Variants in SNX17 observed in about 807,000 individuals in gnomAD.
SNX17 encodes the protein sorting nexin 17.
A neutral mutation model predicts 64.3 loss-of-function variants in SNX17; 35 were observed. That is an observed-to-expected ratio of 0.54 (90% CI 0.42 to 0.72). SNX17 has a LOEUF of 0.72. Among genes scored for constraint, SNX17 ranks in the 30% least tolerant of loss-of-function variants. The pLI is 0.00. For missense variants in SNX17, 538 were observed against 610.0 expected (o/e 0.88, Z 1.24); for synonymous variants, 259 against 230.2 (o/e 1.13, Z -1.13).
intron 1 of SNX17, 147 bp downstream of exon 1, chr2:27,370,953 C>T: frequency 2.1e-6 from 2 of 957,808 alleles, no homozygotes; most frequent in African/African-American, 3.3e-5. Context: ...GGGAGCTTAT[C>T]TCATGTGTGT....
Position 27,376,816 on chromosome 2 carries a change from CCTT to C in SNX17, c.*104_*106del, listed in dbSNP as rs763445311. 7.2e-5 allele frequency: 73 copies of C among 1,008,928 alleles called. No individual in the cohort carries two copies. The East Asian group carries it at 7.9e-4, about 11-fold the overall frequency. The allele number at this position is 1,008,928 out of a possible 1,614,324, so 62.5% of individuals were successfully genotyped here. On this transcript the variant is annotated 3_prime_UTR_variant, in exon 15 of 15. Coordinates refer to ENST00000233575, the MANE Select transcript of SNX17 (RefSeq NM_014748.4). Reference sequence around the variant, plus strand: ...CATGCTAGGGGCGGAGGGGTCTTTTCCTTCTTCTTTCCTACCTACCCCTTTTCT... The same window carrying C: ...CATGCTAGGGGCGGAGGGGTCTTTTCCTTCTTTCCTACCTACCCCTTTTCT...
rs78101052 is a variant in SNX17 at position 27,372,862 on chromosome 2, T to A, written c.256+122T>A. The A allele has an allele frequency of 8.4e-3, 11,413 of 1,365,836 alleles. 65 individuals are homozygous for A. The highest frequency in any genetic ancestry group is 9.4e-3 in the Non-Finnish European group (9,235 of 980,184). The allele number at this position is 1,365,836 out of a possible 1,614,324, so 84.6% of individuals were successfully genotyped here. On this transcript the variant is annotated intron_variant, in intron 3 of 14. Transcript: ENST00000233575. ...GATCTAGGAAGGCTCTTGTTTGATCTGTTATGCAGTTAGCAAAGTAAATAG... is the reference window on the plus strand; with the variant it reads ...GATCTAGGAAGGCTCTTGTTTGATCAGTTATGCAGTTAGCAAAGTAAATAG...
chr2:27,374,990 G>A, intron 8 of SNX17, 71 bp from the exon 9 acceptor site: 1 of 1,395,594 alleles, frequency 7.2e-7, no homozygotes, highest in Non-Finnish European at 1.0e-6. Context: ...GCTGGACAGA[G>A]GTAATGGTAG....
intron 1 of SNX17, among the ~76,000 whole-genome samples, 175 bp from the exon 2 acceptor site, chr2:27,371,094 T>G (rs886339009): frequency 1.3e-5 from 2 of 152,202 alleles, no homozygotes; most frequent in Non-Finnish European, 2.9e-5. Flanking sequence ...GCGTCCGAAT[T>G]TCCCCCGGAC....
chr2:27,375,436 C>G lies in SNX17; in HGVS notation c.775-70C>G, dbSNP rs1683097161. ...TATAGGCATGAGCCACCGCGCCCGA[C>G]CGGGGTTGCTTTTTCTGAGCTGCCC... On this transcript the variant is annotated intron_variant, in intron 9 of 14. Transcript: ENST00000233575. This position sits in a 1 kb window ranked among gnomAD's most constrained non-coding sequence, Gnocchi z 4.1. 2 of 1,557,734 alleles carry G rather than the reference C, an allele frequency of 1.3e-6. No homozygotes were observed. Among genetic ancestry groups the G allele is most frequent in the Admixed American group, 1.7e-5 (1 of 59,766 alleles).
chr2:27,374,458 G>C, intron 7 of SNX17, 25 bp downstream of exon 7: 1 of 1,584,568 alleles, frequency 6.3e-7, no homozygotes, highest in Non-Finnish European at 8.7e-7. Flanking sequence ...TGGAAGGGGA[G>C]GGGTGGGAGG....
At chr2:27,372,831 T>C in intron 3 of SNX17, 91 bp downstream of exon 3, 1 of 1,517,582 alleles carries the variant, frequency 6.6e-7, no homozygotes, top group Non-Finnish European at 9.1e-7. Flanking sequence ...CCTGATTTAA[T>C]TTCTAGATCT....
At chr2:27,374,555 C>A in intron 7 of SNX17, 122 bp downstream of exon 7, 1 of 1,241,096 alleles carries the variant, frequency 8.1e-7, no homozygotes, top group Non-Finnish European at 1.2e-6. Flanking sequence ...TCTGCCAGGC[C>A]TCCCAAGCTT....
At chr2:27,370,879 C>T (rs1682414987) in intron 1 of SNX17, 73 bp downstream of exon 1, 3 of 1,481,070 alleles carry the variant, frequency 2.0e-6, no homozygotes, top group South Asian at 1.3e-5. Context: ...TCGGAGCGGC[C>T]TCTGAGGCCT....
chr2:27,371,110 C>G (rs1453419575), intron 1 of SNX17, among the ~76,000 whole-genome samples, 159 bp from the exon 2 acceptor site: 1 of 152,264 alleles, frequency 6.6e-6, no homozygotes, highest in East Asian at 1.9e-4. Context: ...CGGACTGGCT[C>G]TTCAGCTTTG....
At position 27,377,415 on chromosome 2, in the gene SNX17, C is replaced by T. The variant is rs187524222; in HGVS notation, c.*696C>T. On this transcript the variant is annotated 3_prime_UTR_variant, in exon 15 of 15. Coordinates refer to ENST00000233575, the MANE Select transcript of SNX17 (RefSeq NM_014748.4). This position sits in a 1 kb window ranked among gnomAD's most constrained non-coding sequence, Gnocchi z 4.4. ...GGCAAGGTCCCCTGGTCCATATGGG[C>T]CCCCCCGCCCATGGGGTTGGGCTGG... 2.3e-4 allele frequency: 234 copies of T among 1,013,658 alleles called. No homozygotes were observed. The East Asian group carries it at 3.0e-3, about 13-fold the overall frequency. The allele number at this position is 1,013,658 out of a possible 1,614,324, so 62.8% of individuals were successfully genotyped here. A position where few individuals can be genotyped will look rare whatever the true frequency, so the allele number is the denominator to read the frequency against.
At chr2:27,370,827 A>AGCCGG in intron 1 of SNX17, 21 bp downstream of exon 1, 1 of 1,537,420 alleles carries the variant, frequency 6.5e-7, no homozygotes, top group South Asian at 1.2e-5. Flanking sequence ...GCCGGAGCCG[A>AGCCGG]GCCGGGCCGG....
rs1311497396 is a variant in SNX17, at chr2:27,370,803, C to T, written c.60C>T (p.Tyr20=). The change falls in exon 1 of 15, where the codon TAC becomes TAT. Residue 20 remains tyrosine, a synonymous_variant. Coordinates refer to ENST00000233575, the MANE Select transcript of SNX17 (RefSeq NM_014748.4). The stretch of plus-strand genomic sequence containing the variant: ...GCGGGGACAGCGGCGGCTCCGCCTA[C>T]GTGGTGAGGAGCGGCCGGAGCCGAG... The part of the protein sequence containing the change: ...SRSGDSGGSA[Y]VAYNIHVNGV... 6.5e-7 allele frequency: 1 copy of T among 1,543,846 alleles called. No homozygotes were observed. The highest frequency in any genetic ancestry group is 1.4e-5 in the African/African-American group (1 of 73,068).
At chr2:27,374,322 C>CT in intron 6 of SNX17, 24 bp from the exon 7 acceptor site, 2 of 1,525,612 alleles carry the variant, frequency 1.3e-6, no homozygotes, top group African/African-American at 2.8e-5. Context: ...ACTATATTTT[C>CT]ATTTTTTTTT....
chr2:27,374,295 C>T (rs1256423733), intron 6 of SNX17, 51 bp from the exon 7 acceptor site: 1 of 1,425,756 alleles, frequency 7.0e-7, no homozygotes, highest in Non-Finnish European at 9.8e-7. Flanking sequence ...TTCTTGATTT[C>T]CCTTCCTTTA....
rs1683081681 is a variant in SNX17 at position 27,375,357 on chromosome 2, C to T, written c.775-149C>T. ...GTTTCACCATGTTAGCCAGGATGGT[C>T]TTGAGCTCCTGACCTTGTGATCTGT... On this transcript the variant is annotated intron_variant, in intron 9 of 14. Transcript: ENST00000233575. This position sits in a 1 kb window ranked among gnomAD's most constrained non-coding sequence, Gnocchi z 4.1. 3.3e-6 allele frequency: 3 copies of T among 905,750 alleles called. No individual in the cohort carries two copies. In the Admixed American group the frequency reaches 6.5e-5, roughly 20 times the overall value. 56.1% of individuals were successfully genotyped at this position (905,750 alleles called of 1,614,324 possible).
chr2:27,373,332 A>G, intron 4 of SNX17, 21 bp downstream of exon 4: 3 of 1,613,738 alleles, frequency 1.9e-6, no homozygotes, highest in Non-Finnish European at 2.5e-6. Flanking sequence ...GGGTGGGACC[A>G]AGATTTAAGG....
chr2:27,375,031 C>T lies in SNX17; in HGVS notation c.682-30C>T, dbSNP rs1466301118. 1.1e-5 allele frequency: 17 copies of T among 1,597,886 alleles called. No individual in the cohort carries two copies. Among genetic ancestry groups the T allele is most frequent in the Non-Finnish European group, 1.3e-5 (15 of 1,165,458 alleles). ...TTCCTTGGATTGCTGACTGGGACCT[C>T]CTACTGCCTGCCCCTTGTCTCTACT... On this transcript the variant is annotated intron_variant, in intron 8 of 14. Transcript: ENST00000233575. This position sits in a 1 kb window ranked among gnomAD's most constrained non-coding sequence, Gnocchi z 4.1.
In SNX17 at chr2:27,375,037, G is replaced by A. The variant is rs1683030889; in HGVS notation, c.682-24G>A. The A allele has an allele frequency of 1.2e-6, 2 of 1,606,880 alleles. No homozygotes were observed. Reference sequence around the variant, plus strand: ...GGATTGCTGACTGGGACCTCCTACTGCCTGCCCCTTGTCTCTACTATAGAC... The same window carrying A: ...GGATTGCTGACTGGGACCTCCTACTACCTGCCCCTTGTCTCTACTATAGAC... On this transcript the variant is annotated intron_variant, in intron 8 of 14. Transcript: ENST00000233575. This position sits in a 1 kb window ranked among gnomAD's most constrained non-coding sequence, Gnocchi z 4.1.
Sources: gnomAD v4.1 joint callset for allele counts (sites outside exome capture counted in the v4.1 genomes callset) on GRCh38, gnomAD v4.1.1 for gene constraint, Gnocchi (gnomAD v3.1) non-coding constraint, MANE v1.5 for transcripts, NCBI Gene and HGNC (gene_info 2026-07-23, HGNC 2026-07-21) for gene names.